Variants in UGT1A7 observed in about 807,000 individuals in gnomAD.
The protein encoded by UGT1A7 is UDP-glucuronosyltransferase 1A7.
UGT1A7 carries 33 observed loss-of-function variants against 45.6 expected under a neutral mutation model. That is an observed-to-expected ratio of 0.72 (90% CI 0.55 to 0.97). The LOEUF (loss-of-function observed/expected upper bound fraction) is 0.97. UGT1A7 is among the 50% of genes least tolerant of loss of function. The pLI is 0.00. For missense variants in UGT1A7, 684 were observed against 666.2 expected (o/e 1.03, Z -0.29); for synonymous variants, 274 against 250.6 (o/e 1.09, Z -0.88).
At chr2:233,685,111 T>G (rs2074723100) in intron 1 of UGT1A7, among the ~76,000 whole-genome samples, 1 of 152,096 alleles carries the variant, frequency 6.6e-6, no homozygotes, top group African/African-American at 2.4e-5. Context: ...TCTTATTGAG[T>G]CTATCCAGGT....
intron 1 of UGT1A7, chr2:233,719,064 G>A (rs745742855): frequency 1.1e-4 from 179 of 1,614,274 alleles, no homozygotes; most frequent in East Asian, 3.6e-4. Context: ...AGCCTATGCT[G>A]TTCCATGGAC....
At chr2:233,747,861 C>G (rs1332283136) in intron 1 of UGT1A7, 2 of 1,613,322 alleles carry the variant, frequency 1.2e-6, no homozygotes, top group African/African-American at 2.7e-5. Context: ...CATGCTCTAC[C>G]CTCTGGCCCT....
chr2:233,737,584 A>G (rs552596961), intron 1 of UGT1A7, among the ~76,000 whole-genome samples: 5 of 152,256 alleles, frequency 3.3e-5, no homozygotes, highest in South Asian at 4.2e-4. Context: ...ACCAGTCCCA[A>G]TGAGATGAAC....
At chr2:233,743,013 C>T (rs1054809) in intron 1 of UGT1A7, 1 of 235,812 alleles carries the variant, frequency 4.2e-6, no homozygotes, top group Non-Finnish European at 8.4e-6. Context: ...TATTTTACAA[C>T]GATTGAAAGA....
At position 233,754,917 on chromosome 2, in the gene UGT1A7, G is replaced by A. The variant is rs1403282569; in HGVS notation, c.856-12117G>A. ...CTGACCCCCCAAAATATTCTCCAGC[G>A]GGTTTCCCAAGAGGTCAAAGGAGAA... On this transcript the variant is annotated intron_variant, in intron 1 of 4. Coordinates refer to ENST00000373426, the MANE Select transcript of UGT1A7 (RefSeq NM_019077.3). The A allele has an allele frequency of 3.0e-6, 4 of 1,353,604 alleles. No homozygotes were observed. In the African/African-American group the frequency reaches 4.4e-5, roughly 15 times the overall value. 83.8% of individuals were successfully genotyped at this position (1,353,604 alleles called of 1,614,324 possible).
At position 233,767,068 on chromosome 2, in the gene UGT1A7, A is replaced by G. The variant is rs1055696021; in HGVS notation, c.890A>G (p.His297Arg). 45 of 1,614,026 alleles carry G rather than the reference A, an allele frequency of 2.8e-5. No individual in the cohort carries two copies. Among genetic ancestry groups the G allele is most frequent in the Non-Finnish European group, 3.6e-5 (43 of 1,180,024 alleles). The change falls in exon 2 of 5, where the codon CAT becomes CGT. Residue 297 changes from histidine to arginine, a missense_variant. Physicochemically the swap from His to Arg is conservative, Grantham distance 29. Coordinates refer to ENST00000373426, the MANE Select transcript of UGT1A7 (RefSeq NM_019077.3). ...GCCTACATTAATGCTTCTGGAGAAC[A>G]TGGAATTGTGGTTTTCTCTTTGGGA... Reference protein sequence around the residue: ...FEAYINASGEHGIVVFSLGSM... With the variant: ...FEAYINASGERGIVVFSLGSM...
At chr2:233,757,535 A>AATATATATACATATACATACATATAT (rs376887521) in intron 1 of UGT1A7, among the ~76,000 whole-genome samples, 2 of 88,310 alleles carry the variant, frequency 2.3e-5, no homozygotes, top group African/African-American at 1.0e-4. Flanking sequence ...GCCTGTAAGG[A>AATATATATACATATACATACATATAT]ATATATATAT....
At chr2:233,766,592 C>T (rs1699195975) in intron 1 of UGT1A7, among the ~76,000 whole-genome samples, 1 of 152,146 alleles carries the variant, frequency 6.6e-6, no homozygotes, top group Admixed American at 6.5e-5. Flanking sequence ...GGAGCCCTCG[C>T]CAGGGACCAC....
At chr2:233,756,685 A>C (rs948825401) in intron 1 of UGT1A7, among the ~76,000 whole-genome samples, 1 of 152,128 alleles carries the variant, frequency 6.6e-6, no homozygotes, top group Non-Finnish European at 1.5e-5. Flanking sequence ...ACTGCTATAT[A>C]ATGACGATGA....
intron 1 of UGT1A7, among the ~76,000 whole-genome samples, chr2:233,745,381 C>G (rs1382208819): frequency 6.6e-6 from 1 of 151,782 alleles, no homozygotes; most frequent in Admixed American, 6.6e-5. Flanking sequence ...TTCTCTTCAC[C>G]TCCTTATTCT....
At chr2:233,713,299 C>G (rs1373926847) in intron 1 of UGT1A7, 1 of 1,614,114 alleles carries the variant, frequency 6.2e-7, no homozygotes, top group East Asian at 2.2e-5. Flanking sequence ...TTCTTTGAAA[C>G]AGAACATCTT....
chr2:233,772,849 C>T lies in UGT1A7; in HGVS notation c.*290C>T, dbSNP rs1021003584. The T allele has an allele frequency of 7.7e-6, 6 of 777,596 alleles. No individual in the cohort carries two copies. In the African/African-American group the frequency reaches 8.9e-5, roughly 11 times the overall value. 48.2% of individuals were successfully genotyped at this position (777,596 alleles called of 1,614,324 possible). On this transcript the variant is annotated 3_prime_UTR_variant, in exon 5 of 5. Transcript: ENST00000373426. ...CTGGCATTCTAGATTACTTTTCTTACTCTGAAACATGGCCTGTTTGGGAGT... is the reference window on the plus strand; with the variant it reads ...CTGGCATTCTAGATTACTTTTCTTATTCTGAAACATGGCCTGTTTGGGAGT...
chr2:233,748,022 G>A, intron 1 of UGT1A7: 2 of 1,613,526 alleles, frequency 1.2e-6, no homozygotes, highest in South Asian at 2.2e-5. Flanking sequence ...GGCCGATCAT[G>A]CCCAACATGG....
intron 3 of UGT1A7, 102 bp from the exon 4 acceptor site, chr2:233,768,118 G>A (rs1575832144): frequency 6.2e-7 from 1 of 1,600,328 alleles, no homozygotes; most frequent in South Asian, 1.1e-5. Context: ...GCAAGGGCAT[G>A]TGAGTAACAC....
Position 233,767,942 on chromosome 2 carries a change from T to C in UGT1A7, c.1075+6T>C, listed in dbSNP as rs1198417535. The stretch of plus-strand genomic sequence containing the variant: ...ACCCCAAAACGATCTGCTTGGTATG[T>C]TGGGCGGATTGGATGTATAGGTCAA... On this transcript the variant is annotated splice_donor_region_variant and intron_variant, in intron 3 of 4. Transcript: ENST00000373426. The C allele has an allele frequency of 3.7e-6, 6 of 1,614,092 alleles. No individual in the cohort carries two copies. The East Asian group carries it at 1.1e-4, about 30-fold the overall frequency.
intron 1 of UGT1A7, among the ~76,000 whole-genome samples, chr2:233,757,535 A>AATATATATACAT (rs376887521): frequency 1.6e-4 from 14 of 88,310 alleles, no homozygotes; most frequent in Middle Eastern, 5.7e-3. Flanking sequence ...GCCTGTAAGG[A>AATATATATACAT]ATATATATAT....
chr2:233,772,483 G>A lies in UGT1A7; in HGVS notation c.1517G>A (p.Cys506Tyr), dbSNP rs1700526717. The A allele has an allele frequency of 1.2e-6, 2 of 1,614,146 alleles. No individual in the cohort carries two copies. Among genetic ancestry groups the A allele is most frequent in the Non-Finnish European group, 1.7e-6 (2 of 1,180,048 alleles). Reference protein sequence around the residue: ...VLTVAFITFKCCAYGYRKCLG... With the variant: ...VLTVAFITFKYCAYGYRKCLG... ...ACAGTGGCCTTCATCACCTTTAAAT[G>A]TTGTGCTTATGGCTACCGGAAATGC... The change falls in exon 5 of 5, where the codon TGT becomes TAT. Residue 506 changes from cysteine to tyrosine, a missense_variant. Cys to Tyr is a radical substitution (Grantham distance 194, BLOSUM62 -2). Transcript: ENST00000373426.
chr2:233,710,187 G>T (rs760238092), intron 1 of UGT1A7, among the ~76,000 whole-genome samples: 10 of 152,152 alleles, frequency 6.6e-5, no homozygotes, highest in Non-Finnish European at 1.3e-4. Flanking sequence ...TGGACATGTG[G>T]ATAGTTTCCA....
intron 1 of UGT1A7, among the ~76,000 whole-genome samples, chr2:233,752,133 G>T (rs1347949695): frequency 6.6e-6 from 1 of 152,170 alleles, no homozygotes; most frequent in African/African-American, 2.4e-5. Context: ...TGGACAGAAA[G>T]GATCATTCCC....
Sources: allele counts gnomAD v4.1 joint callset (sites outside exome capture counted in the v4.1 genomes callset), GRCh38; gene constraint gnomAD v4.1.1; transcripts MANE v1.5; gene names NCBI Gene and HGNC (gene_info 2026-07-23, HGNC 2026-07-21).